INPP5A: variants seen among roughly 807,000 people sequenced by gnomAD.
The protein encoded by INPP5A is 43 kDa inositol polyphosphate 5-phophatase.
A neutral mutation model predicts 65.2 loss-of-function variants in INPP5A; 14 were observed. That is an observed-to-expected ratio of 0.21 (90% CI 0.14 to 0.34). The LOEUF (loss-of-function observed/expected upper bound fraction) is 0.34, where lower values mean the gene tolerates loss of function less well. Among genes scored for constraint, INPP5A ranks in the 10% least tolerant of loss-of-function variants. The pLI is 1.00. For synonymous variants in INPP5A, 207 were observed against 208.3 expected, an observed-to-expected ratio of 0.99 and a Z score of 0.05; for missense variants, 431 against 545.6, an observed-to-expected ratio of 0.79 and a Z score of 2.09.
chr10:132,608,835 A>T (rs980265088), intron 2 of INPP5A, among the ~76,000 whole-genome samples: 2 of 152,170 alleles, frequency 1.3e-5, no homozygotes, highest in African/African-American at 4.8e-5. Context: ...TGGGGAGGCC[A>T]GAGTGGAGGC....
At chr10:132,752,458 AGG>A (rs1356298753) in intron 11 of INPP5A, among the ~76,000 whole-genome samples, 1 of 15,086 alleles carries the variant, frequency 6.6e-5, no homozygotes, top group Non-Finnish European at 1.3e-4. Flanking sequence ...TGTGGCGTGG[AGG>A]GGGGTGTGGC....
Position 132,781,915 on chromosome 10 carries a change from G to A in INPP5A, c.1213G>A (p.Val405Met), listed in dbSNP as rs759229536. ...MPGAGKPHAH[V>M]HKCCVVQ ...CGGGGCAGGTAAACCTCATGCCCAT[G>A]TGCACAAGTGTTGTGTCGTGCAGTG... is the stretch of plus-strand genomic sequence containing the variant. Residue 405 changes from valine (V) to methionine (M), a missense_variant, in exon 15 of 16, where the codon GTG (valine) becomes ATG (methionine). Physicochemically the swap from Val to Met is conservative, Grantham distance 21. Transcript: ENST00000368594. 6.2e-7 allele frequency: 1 copy of A among 1,613,876 alleles called. No individual in the cohort carries two copies. The highest frequency in any genetic ancestry group is 1.7e-5 in the Admixed American group (1 of 60,030).
chr10:132,621,821 T>A (rs1280119446), intron 2 of INPP5A, among the ~76,000 whole-genome samples: 4 of 151,988 alleles, frequency 2.6e-5, no homozygotes, highest in African/African-American at 9.7e-5. Context: ...AGCTGTCTTA[T>A]TTAGGAATAA....
chr10:132,553,592 G>A (rs1392981447), intron 1 of INPP5A, among the ~76,000 whole-genome samples: 3 of 145,534 alleles, frequency 2.1e-5, no homozygotes, highest in Non-Finnish European at 4.5e-5. Context: ...TATTGAGTGG[G>A]ATAGGGAGGG....
rs1207855105 is a variant in INPP5A, at chr10:132,650,700, AG to A, written c.306+197del. Among the ~76,000 whole-genome samples, 2 of 152,174 alleles carry A rather than the reference AG, an allele frequency of 1.3e-5. No homozygotes were observed. The highest frequency in any genetic ancestry group is 2.9e-5 in the Non-Finnish European group (2 of 68,024). ...GAGCCCATGGCTGGCCTGGCAGGGAAGGTGGCCCAGCACGCACAGGGTCTTG... is the reference window on the plus strand; with the variant it reads ...GAGCCCATGGCTGGCCTGGCAGGGAAGTGGCCCAGCACGCACAGGGTCTTG... On this transcript the variant is annotated intron_variant, in intron 4 of 15. Coordinates refer to ENST00000368594, the MANE Select transcript of INPP5A (RefSeq NM_005539.5). This position sits in a 1 kb window ranked among gnomAD's most constrained non-coding sequence, Gnocchi z 5.5.
At chr10:132,669,136 C>G (rs1032276447) in intron 4 of INPP5A, among the ~76,000 whole-genome samples, 2 of 152,248 alleles carry the variant, frequency 1.3e-5, no homozygotes, top group South Asian at 4.2e-4. Flanking sequence ...GCCTGTAGTC[C>G]CAGCTACTCG....
At chr10:132,688,266 G>A (rs1381100238) in intron 4 of INPP5A, among the ~76,000 whole-genome samples, 1 of 152,218 alleles carries the variant, frequency 6.6e-6, no homozygotes, top group African/African-American at 2.4e-5. Flanking sequence ...TGTGCCTGCC[G>A]CCCTGCGCCT....
intron 11 of INPP5A, among the ~76,000 whole-genome samples, chr10:132,750,483 G>T (rs1324834553): frequency 6.6e-6 from 1 of 152,212 alleles, no homozygotes; most frequent in African/African-American, 2.4e-5. Flanking sequence ...TTTTGAAATC[G>T]TGAGTCTTCC....
At chr10:132,633,551 G>A (rs932608232) in intron 2 of INPP5A, among the ~76,000 whole-genome samples, 1 of 152,184 alleles carries the variant, frequency 6.6e-6, no homozygotes, top group African/African-American at 2.4e-5. Flanking sequence ...TCCAGAGCTG[G>A]CAAACAGAAG....
At chr10:132,771,375 A>G (rs747793737) in intron 12 of INPP5A, among the ~76,000 whole-genome samples, 28 of 152,242 alleles carry the variant, frequency 1.8e-4, no homozygotes, top group Non-Finnish European at 4.0e-4. Context: ...CCTGCCCAGC[A>G]CGGCCCGGCC....
chr10:132,643,524 T>C (rs1219892605), intron 2 of INPP5A, among the ~76,000 whole-genome samples: 1 of 152,128 alleles, frequency 6.6e-6, no homozygotes, highest in Middle Eastern at 3.2e-3. Context: ...GAAATAAAAT[T>C]AAATTAAATA....
intron 9 of INPP5A, among the ~76,000 whole-genome samples, chr10:132,731,231 CGCACCCCTCCCGCATATCAG>C (rs1846079286): frequency 6.6e-6 from 1 of 152,144 alleles, no homozygotes; most frequent in Non-Finnish European, 1.5e-5. Context: ...TGGAGGTGAC[CGCACCCCTCCCGCATATCAG>C]GCACCCCTCC....
chr10:132,563,579 C>A (rs2071233369), intron 1 of INPP5A, among the ~76,000 whole-genome samples: 1 of 152,136 alleles, frequency 6.6e-6, no homozygotes, highest in South Asian at 2.1e-4. Flanking sequence ...CTGCCTGTTA[C>A]ACTGAATAAC....
At chr10:132,774,368 G>T (rs959686912) in intron 12 of INPP5A, among the ~76,000 whole-genome samples, 5 of 152,204 alleles carry the variant, frequency 3.3e-5, no homozygotes, top group African/African-American at 1.2e-4. Flanking sequence ...CGTGGTAATT[G>T]GTTAATATTT....
intron 8 of INPP5A, among the ~76,000 whole-genome samples, chr10:132,718,183 G>A (rs1235954339): frequency 3.5e-5 from 5 of 144,460 alleles, no homozygotes; most frequent in South Asian, 4.5e-4. Context: ...GTTCTGTCTG[G>A]GCGCCTTAGA....
chr10:132,689,934 C>T (rs1272489125), intron 4 of INPP5A, among the ~76,000 whole-genome samples: 1 of 152,266 alleles, frequency 6.6e-6, no homozygotes. Context: ...CAGGACGAAG[C>T]CGAGCATCAG....
intron 12 of INPP5A, among the ~76,000 whole-genome samples, chr10:132,768,451 C>T (rs1175298594): frequency 6.6e-6 from 1 of 152,270 alleles, no homozygotes; most frequent in Non-Finnish European, 1.5e-5. Flanking sequence ...ACAGGCCTGG[C>T]TTCCTCTTCG....
chr10:132,722,029 C>G (rs1845894162), intron 8 of INPP5A, among the ~76,000 whole-genome samples: 1 of 152,168 alleles, frequency 6.6e-6, no homozygotes, highest in African/African-American at 2.4e-5. Context: ...TTAAACACAT[C>G]TGCGATGAAC....
At chr10:132,542,298 C>T (rs1475855396) in intron 1 of INPP5A, among the ~76,000 whole-genome samples, 4 of 152,224 alleles carry the variant, frequency 2.6e-5, no homozygotes, top group Non-Finnish European at 4.4e-5. Context: ...AGAGTGGGCT[C>T]GGCAAGTGCT....
Sources: allele counts gnomAD v4.1 joint callset (sites outside exome capture counted in the v4.1 genomes callset), GRCh38; gene constraint gnomAD v4.1.1; non-coding constraint Gnocchi (gnomAD v3.1); transcripts MANE v1.5; gene names NCBI Gene and HGNC (gene_info 2026-07-23, HGNC 2026-07-21).